NOTCH1: variants seen among roughly 807,000 people sequenced by gnomAD.
NOTCH1 encodes neurogenic locus notch homolog protein 1.
In NOTCH1, 37 loss-of-function variants were observed where a neutral mutation model predicts 254.8. The ratio of observed to expected loss-of-function variants is 0.15; its 90% CI spans 0.11 to 0.19. NOTCH1 has a LOEUF of 0.19. Among genes scored for constraint, NOTCH1 ranks in the 10% least tolerant of loss-of-function variants. The probability of loss-of-function intolerance (pLI) is 1.00; values close to 1 mark genes in which losing one functional copy is unlikely to be tolerated. For missense variants in NOTCH1, 2,972 were observed against 3,708.6 expected (o/e 0.80, Z 5.16); for synonymous variants, 1,731 against 1,618.1 (o/e 1.07, Z -1.68).
In NOTCH1 at chr9:136,495,277, C is replaced by T. The variant is rs565797893; in HGVS notation, c.*794G>A. 7.5e-5 allele frequency: 30 copies of T among 398,942 alleles called. No homozygotes were observed. The Admixed American group carries it at 1.1e-3, about 15-fold the overall frequency. 24.7% of individuals were successfully genotyped at this position (398,942 alleles called of 1,614,324 possible). On this transcript the variant is annotated 3_prime_UTR_variant, in exon 34 of 34. Transcript: ENST00000651671. ...TACATTTCAAGAACGGGCAGGGGGC[C>T]GGGGTGGTTCTGGAGGGACCAAGAA...
At chr9:136,499,997 G>A (rs1321286253) in intron 31 of NOTCH1, among the ~76,000 whole-genome samples, 2 of 152,164 alleles carry the variant, frequency 1.3e-5, no homozygotes, top group African/African-American at 2.4e-5. Context: ...GGGCCGCCTG[G>A]AGCCTGGGGA....
At chr9:136,502,873 TA>T (rs1322663183) in intron 27 of NOTCH1, 3 of 599,146 alleles carry the variant, frequency 5.0e-6, no homozygotes, top group South Asian at 1.8e-5. Context: ...TTTTTTTCTT[TA>T]AAAAAAGCCG....
At chr9:136,523,579 G>T in intron 3 of NOTCH1, 138 bp downstream of exon 3, 1 of 1,132,332 alleles carries the variant, frequency 8.8e-7, no homozygotes, top group Non-Finnish European at 1.3e-6. Flanking sequence ...GAGGGGGGCA[G>T]GGACCCTGGG....
At position 136,496,890 on chromosome 9, in the gene NOTCH1, G is replaced by T; in HGVS notation, c.6849C>A (p.Ser2283Arg). ...CTCCGCTGCTGGAGCCCAGGACGGTGCTGGTGCCAGAGGCCACAGGCAGGT... is the reference window on the plus strand; with the variant it reads ...CTCCGCTGCTGGAGCCCAGGACGGTTCTGGTGCCAGAGGCCACAGGCAGGT... Reference protein sequence around the residue: ...LSHLPVASGTSTVLGSSSGGA... With the variant: ...LSHLPVASGTRTVLGSSSGGA... Residue 2283 changes from serine to arginine, a missense_variant, in exon 34 of 34, where the codon AGC becomes AGA. By Grantham distance (110) the Ser-to-Arg change is moderately radical. Transcript: ENST00000651671. The T allele has an allele frequency of 6.2e-7, 1 of 1,612,868 alleles. No individual in the cohort carries two copies. Among genetic ancestry groups the T allele is most frequent in the Non-Finnish European group, 8.5e-7 (1 of 1,179,992 alleles).
Position 136,496,905 on chromosome 9 carries a change from C to T in NOTCH1, c.6834G>A (p.Val2278=). The T allele has an allele frequency of 1.9e-6, 3 of 1,612,742 alleles. No individual in the cohort carries two copies. Among genetic ancestry groups the T allele is most frequent in the South Asian group, 1.1e-5 (1 of 91,086 alleles). Residue 2278 remains valine (V), a synonymous_variant, in exon 34 of 34, where the codon GTG becomes GTA. Coordinates refer to ENST00000651671, the MANE Select transcript of NOTCH1 (RefSeq NM_017617.5). ...CCAGGACGGTGCTGGTGCCAGAGGC[C>T]ACAGGCAGGTGGGAGAGACGAGGTG... ...TGPPRLSHLP[V]ASGTSTVLGS... is the part of the protein sequence containing the mutation.
chr9:136,535,107 C>G (rs1435732759), intron 2 of NOTCH1, among the ~76,000 whole-genome samples: 1 of 151,292 alleles, frequency 6.6e-6, no homozygotes, highest in Non-Finnish European at 1.5e-5. Context: ...CAGGGCAGCC[C>G]CACAGACCTG....
rs1336212845 is a variant in NOTCH1 at position 136,496,221 on chromosome 9, C to T, written c.7518G>A (p.Glu2506=). Residue 2506 remains glutamate, a synonymous_variant, in exon 34 of 34, where the codon GAG becomes GAA. Coordinates refer to ENST00000651671, the MANE Select transcript of NOTCH1 (RefSeq NM_017617.5). ...CAGGGGACGGGGTGAGGAAGGGGTG[C>T]TCAGGCACCTGTAGCTGGTGGCTGG... The part of the protein sequence containing the change: ...NTPSHQLQVP[E]HPFLTPSPES... 1.2e-6 allele frequency: 2 copies of T among 1,608,114 alleles called. No individual in the cohort carries two copies. The highest frequency in any genetic ancestry group is 1.7e-5 in the Admixed American group (1 of 59,670).
chr9:136,524,126 G>T, intron 2 of NOTCH1, 147 bp from the exon 3 acceptor site: 1 of 1,060,660 alleles, frequency 9.4e-7, no homozygotes, highest in Non-Finnish European at 1.4e-6. Flanking sequence ...GTTCCCTTAG[G>T]GCTGATAAAA....
In NOTCH1 at chr9:136,515,571, G is replaced by A. The variant is rs781029850; in HGVS notation, c.1815C>T (p.Asn605=). The change falls in exon 11 of 34, where the codon AAC becomes AAT. Residue 605 remains asparagine (N), a synonymous_variant. Transcript: ENST00000651671. Reference sequence around the variant, plus strand: ...GGCGGCAGGGCTGGCTGGAGCACTCGTTGATGTTGGTCTCGCAGTGGTGGC... The same window carrying A: ...GGCGGCAGGGCTGGCTGGAGCACTCATTGATGTTGGTCTCGCAGTGGTGGC... The part of the protein sequence containing the change: ...YTGHHCETNI[N]ECSSQPCRHG... The A allele has an allele frequency of 3.1e-5, 50 of 1,610,748 alleles. No individual in the cohort carries two copies. The highest frequency in any genetic ancestry group is 8.3e-5 in the Admixed American group (5 of 59,950).
Position 136,513,101 on chromosome 9 carries a change from G to C in NOTCH1, c.2387C>G (p.Ala796Gly), listed in dbSNP as rs753036935. 1.2e-6 allele frequency: 2 copies of C among 1,612,594 alleles called. No individual in the cohort carries two copies. The highest frequency in any genetic ancestry group is 1.7e-6 in the Non-Finnish European group (2 of 1,179,794). ...GCCCTGGTTCAGACATGGGTTGGAC[G>C]CACACTCGTTGATGTTGGTCTGGCA... is the stretch of plus-strand genomic sequence containing the variant. Reference protein sequence around the residue: ...PNCQTNINECASNPCLNQGTC... With the variant: ...PNCQTNINECGSNPCLNQGTC... The change falls in exon 15 of 34, where the codon GCG becomes GGG. Residue 796 changes from alanine to glycine, a missense_variant. Coordinates refer to ENST00000651671, the MANE Select transcript of NOTCH1 (RefSeq NM_017617.5). This position sits in a 1 kb window ranked among gnomAD's most constrained non-coding sequence, Gnocchi z 4.7.
rs375880798 is a variant in NOTCH1, at chr9:136,510,639, G to A, written c.2740+14C>T. The stretch of plus-strand genomic sequence containing the variant: ...GAGCTTCCTGGAGGAGGCCAGAGCC[G>A]CGGGGCTACTCACTGGGCCGGCAGT... On this transcript the variant is annotated intron_variant, in intron 17 of 33. Transcript: ENST00000651671. The A allele has an allele frequency of 9.3e-5, 149 of 1,600,742 alleles. No homozygotes were observed. Among genetic ancestry groups the A allele is most frequent in the Non-Finnish European group, 1.2e-4 (137 of 1,177,556 alleles).
chr9:136,499,307 G>A (rs1477335261), intron 31 of NOTCH1, 48 bp from the exon 32 acceptor site: 15 of 1,604,230 alleles, frequency 9.4e-6, no homozygotes, highest in South Asian at 2.2e-5. Context: ...GACGTACACC[G>A]ATGCCTCCTG....
rs770029688 is a variant in NOTCH1 at position 136,517,409 on chromosome 9, G to C, written c.1442-24C>G. On this transcript the variant is annotated intron_variant, in intron 8 of 33. Coordinates refer to ENST00000651671, the MANE Select transcript of NOTCH1 (RefSeq NM_017617.5). ...GCCTGTGGGGTGGGGCAACAGTGAGGGGGGCACGCGCGGCCCCAGTGCCCC... is the reference window on the plus strand; with the variant it reads ...GCCTGTGGGGTGGGGCAACAGTGAGCGGGGCACGCGCGGCCCCAGTGCCCC... 3 of 1,487,760 alleles carry C rather than the reference G, an allele frequency of 2.0e-6. No individual in the cohort carries two copies. The East Asian group carries it at 7.2e-5, about 36-fold the overall frequency. 92.2% of individuals were successfully genotyped at this position (1,487,760 alleles called of 1,614,324 possible). A position where few individuals can be genotyped will look rare whatever the true frequency, so the allele number is the denominator to read the frequency against.
rs1392911395 is a variant in NOTCH1 at position 136,505,996 on chromosome 9, G to A, written c.4015-115C>T. On this transcript the variant is annotated intron_variant, in intron 24 of 33. Coordinates refer to ENST00000651671, the MANE Select transcript of NOTCH1 (RefSeq NM_017617.5). ...CCGCTCTCCTCTAACCTGGGAGGCGGCCTGCAACCTTGCCCCCAGCAGCAA... is the reference window on the plus strand; with the variant it reads ...CCGCTCTCCTCTAACCTGGGAGGCGACCTGCAACCTTGCCCCCAGCAGCAA... 3.3e-6 allele frequency: 3 copies of A among 902,700 alleles called. No individual in the cohort carries two copies. In the African/African-American group the frequency reaches 5.0e-5, roughly 15 times the overall value. The allele number at this position is 902,700 out of a possible 1,614,324, so 55.9% of individuals were successfully genotyped here. A position where few individuals can be genotyped will look rare whatever the true frequency, so the allele number is the denominator to read the frequency against.
At chr9:136,517,042 AG>A (rs1485972702) in intron 9 of NOTCH1, among the ~76,000 whole-genome samples, 1 of 150,316 alleles carries the variant, frequency 6.7e-6, no homozygotes, top group African/African-American at 2.5e-5. Context: ...GGCCCCCCTC[AG>A]GAGGCCGGGG....
At chr9:136,532,492 C>T (rs1305473922) in intron 2 of NOTCH1, among the ~76,000 whole-genome samples, 1 of 152,040 alleles carries the variant, frequency 6.6e-6, no homozygotes, top group African/African-American at 2.4e-5. Flanking sequence ...AGAGACCTTC[C>T]TGGAGGGGCC....
rs1441975679 is a variant in NOTCH1, at chr9:136,532,193, G to A, written c.141-8214C>T. Among the ~76,000 whole-genome samples the A allele has an allele frequency of 2.0e-5, 3 of 152,226 alleles. No individual in the cohort carries two copies. The East Asian group carries it at 5.8e-4, about 29-fold the overall frequency. On this transcript the variant is annotated intron_variant, in intron 2 of 33. Transcript: ENST00000651671. ...GCCACAACCTGGGGGACACCAGGGT[G>A]TCCCAAGACAGCTGGCACAGGCTGG...
rs563329314 is a variant in NOTCH1, at chr9:136,505,148, C to T, written c.4587-44G>A. 245 of 1,576,336 alleles carry T rather than the reference C, an allele frequency of 1.6e-4. 1 individual carries two copies. In the Admixed American group the frequency reaches 2.7e-3, roughly 17 times the overall value. On this transcript the variant is annotated intron_variant, in intron 25 of 33. Coordinates refer to ENST00000651671, the MANE Select transcript of NOTCH1 (RefSeq NM_017617.5). ...GCTCAGGCCGCCTTCCTCGGGGGGC[C>T]TCGCACCCGCCGTCCGGTGCCTCCA...
Position 136,494,450 on chromosome 9 carries a change from T to C in NOTCH1, c.*1621A>G. 1 of 398,942 alleles carries C rather than the reference T, an allele frequency of 2.5e-6. No homozygotes were observed. 24.7% of individuals were successfully genotyped at this position (398,942 alleles called of 1,614,324 possible). ...GAGGGGAGTGGAAGCCAGATCACCA[T>C]CAGTATCATTTTTATTGCAAATCAG... On this transcript the variant is annotated 3_prime_UTR_variant, in exon 34 of 34. Transcript: ENST00000651671.
Sources: allele counts gnomAD v4.1 joint callset (sites outside exome capture counted in the v4.1 genomes callset), GRCh38; gene constraint gnomAD v4.1.1; non-coding constraint Gnocchi (gnomAD v3.1); transcripts MANE v1.5; gene names NCBI Gene and HGNC (gene_info 2026-07-23, HGNC 2026-07-21).